BTBD9: variants seen among roughly 807,000 people sequenced by gnomAD.
BTBD9 encodes the protein BTB domain containing 9.
BTBD9 carries 49 observed loss-of-function variants against 64.3 expected under a neutral mutation model. The ratio of observed to expected loss-of-function variants is 0.76; its 90% CI spans 0.61 to 0.97. The LOEUF is 0.97. Ranked by LOEUF, BTBD9 falls within the 50% of genes least tolerant of loss-of-function variation. The pLI is 0.00. For synonymous variants in BTBD9, 260 were observed against 274.7 expected (o/e 0.95, Z 0.53); for missense variants, 598 against 762.1 (o/e 0.78, Z 2.53).
intron 7 of BTBD9, among the ~76,000 whole-genome samples, chr6:38,302,462 G>A (rs1462409321): frequency 7.7e-6 from 1 of 130,098 alleles, no homozygotes; most frequent in East Asian, 2.4e-4. Flanking sequence ...TTTAATGGCT[G>A]AATAATATTC....
At chr6:38,380,042 G>A (rs1419675852) in intron 6 of BTBD9, among the ~76,000 whole-genome samples, 2 of 152,160 alleles carry the variant, frequency 1.3e-5, no homozygotes, top group African/African-American at 4.8e-5. Flanking sequence ...TGGAGTAAAT[G>A]AAGAAAGGTG....
chr6:38,532,786 C>T (rs1301601208), intron 6 of BTBD9, among the ~76,000 whole-genome samples: 3 of 151,928 alleles, frequency 2.0e-5, no homozygotes, highest in Non-Finnish European at 4.4e-5. Flanking sequence ...CAGCAATACC[C>T]AGGCAGTATG....
At chr6:38,465,300 C>CA (rs879850587) in intron 6 of BTBD9, among the ~76,000 whole-genome samples, 4 of 150,858 alleles carry the variant, frequency 2.7e-5, no homozygotes, top group African/African-American at 4.9e-5. Context: ...CGCAAAAAAA[C>CA]AAAAAATCAA....
chr6:38,545,087 TTTTG>T lies in BTBD9; in HGVS notation c.1154+32509_1154+32512del, dbSNP rs557922887. On this transcript the variant is annotated intron_variant, in intron 6 of 10. Coordinates refer to ENST00000481247, the MANE Select transcript of BTBD9 (RefSeq NM_001099272.2). ...CTGAGATGAGGAATGACTGGACAGT[TTTTG>T]TTTGTTTGTTTGTTTTTTGAGACAG... Among the ~76,000 whole-genome samples the T allele has an allele frequency of 4.0e-3, 605 of 152,106 alleles. 5 individuals carry two copies. The highest frequency in any genetic ancestry group is 0.023 in the South Asian group (111 of 4,806).
At chr6:38,606,525 A>T (rs1473505787) in intron 1 of BTBD9, among the ~76,000 whole-genome samples, 5 of 152,204 alleles carry the variant, frequency 3.3e-5, no homozygotes, top group Non-Finnish European at 7.4e-5. Context: ...CATTTGAAAC[A>T]TACAATATAA....
intron 6 of BTBD9, among the ~76,000 whole-genome samples, chr6:38,466,536 GC>G (rs1404825128): frequency 6.6e-6 from 1 of 151,374 alleles, no homozygotes; most frequent in African/African-American, 2.4e-5. Flanking sequence ...CAGGTGATCT[GC>G]CCTCCTCGGC....
chr6:38,609,707 A>G (rs187345299), intron 1 of BTBD9, among the ~76,000 whole-genome samples: 297 of 152,378 alleles, frequency 1.9e-3, no homozygotes, highest in Non-Finnish European at 2.8e-3. Context: ...TTAGACTGCT[A>G]TCCTCAGTTT....
At chr6:38,239,438 C>CAAAA (rs750690746) in intron 9 of BTBD9, among the ~76,000 whole-genome samples, 2 of 59,048 alleles carry the variant, frequency 3.4e-5, no homozygotes, top group Non-Finnish European at 6.7e-5. Flanking sequence ...GACTCTGTCT[C>CAAAA]AAAAAAAAAA....
At chr6:38,382,112 G>A (rs750300807) in intron 6 of BTBD9, among the ~76,000 whole-genome samples, 5 of 152,148 alleles carry the variant, frequency 3.3e-5, no homozygotes. Flanking sequence ...ATTAGGGGAA[G>A]GCTTGGTGAA....
At chr6:38,266,938 C>T (rs779419039) in intron 8 of BTBD9, among the ~76,000 whole-genome samples, 2 of 152,214 alleles carry the variant, frequency 1.3e-5, no homozygotes, top group African/African-American at 2.4e-5. Context: ...GCAGCTTTTA[C>T]GGATCTTCCC....
chr6:38,294,378 C>G (rs1455427705), intron 7 of BTBD9, among the ~76,000 whole-genome samples: 1 of 150,392 alleles, frequency 6.6e-6, no homozygotes, highest in Non-Finnish European at 1.5e-5. Context: ...CATATGTTCA[C>G]AATAGCAAAG....
chr6:38,619,775 C>T (rs1199846051), intron 1 of BTBD9, among the ~76,000 whole-genome samples: 1 of 152,230 alleles, frequency 6.6e-6, no homozygotes, highest in Non-Finnish European at 1.5e-5. Flanking sequence ...CTGAGGAATC[C>T]TGGGACAGCC....
chr6:38,415,858 T>TAA (rs36006444), intron 6 of BTBD9, among the ~76,000 whole-genome samples: 30,327 of 145,606 alleles, frequency 0.21, 3,743 homozygotes, highest in East Asian at 0.52. Flanking sequence ...CTGCAGTCCT[T>TAA]AAAAAAAAAA....
intron 9 of BTBD9, among the ~76,000 whole-genome samples, chr6:38,225,559 T>C (rs748228149): frequency 3.9e-5 from 6 of 152,182 alleles, no homozygotes; most frequent in Non-Finnish European, 7.3e-5. Context: ...GCTAAGAATG[T>C]AGATATGAAC....
At chr6:38,320,100 C>T (rs1034516113) in intron 7 of BTBD9, among the ~76,000 whole-genome samples, 6 of 152,208 alleles carry the variant, frequency 3.9e-5, no homozygotes, top group Non-Finnish European at 8.8e-5. Flanking sequence ...GCACTCTCCC[C>T]CTCCCCCAAA....
At chr6:38,609,759 T>C (rs1002219079) in intron 1 of BTBD9, among the ~76,000 whole-genome samples, 10 of 152,212 alleles carry the variant, frequency 6.6e-5, no homozygotes, top group African/African-American at 2.4e-4. Context: ...CATCTAATAT[T>C]GAATTCTCTT....
intron 7 of BTBD9, among the ~76,000 whole-genome samples, chr6:38,302,811 CTTTTT>C (rs553449944): frequency 6.6e-6 from 1 of 151,734 alleles, no homozygotes; most frequent in Non-Finnish European, 1.5e-5. Context: ...TGCATTTGTT[CTTTTT>C]TATCTTTTTG....
chr6:38,582,043 C>G (rs979845626), intron 4 of BTBD9, among the ~76,000 whole-genome samples: 9 of 152,164 alleles, frequency 5.9e-5, no homozygotes, highest in African/African-American at 2.2e-4. Flanking sequence ...AGTAATTCAT[C>G]ATTGCAGATT....
chr6:38,433,698 C>A (rs1297632089), intron 6 of BTBD9, among the ~76,000 whole-genome samples: 1 of 151,962 alleles, frequency 6.6e-6, no homozygotes, highest in Non-Finnish European at 1.5e-5. Flanking sequence ...TCACACAAAG[C>A]CTGTTGGTGG....
Sources: gnomAD v4.1 joint callset for allele counts (sites outside exome capture counted in the v4.1 genomes callset) on GRCh38, gnomAD v4.1.1 for gene constraint, MANE v1.5 for transcripts, NCBI Gene and HGNC (gene_info 2026-07-23, HGNC 2026-07-21) for gene names.